The following PGAP4 variants were observed in gnomAD, a reference collection of about 807,000 sequenced individuals.
PGAP4 encodes the protein post-GPI attachment to proteins GalNAc transferase 4, also known as GPI-N-acetylgalactosamine transferase PGAP4.
In PGAP4, 12 loss-of-function variants were observed where a neutral mutation model predicts 28.2. That is an observed-to-expected ratio of 0.42 (90% confidence interval 0.27 to 0.69). PGAP4 has a LOEUF of 0.69. PGAP4 is among the 30% of genes least tolerant of loss of function. The pLI is 0.22. For missense variants in PGAP4, 425 were observed against 513.5 expected (o/e 0.83, Z 1.67); for synonymous variants, 205 against 211.8 (o/e 0.97, Z 0.28).
chr9:101,479,526 T>C (rs1350607820), intron 1 of PGAP4, among the ~76,000 whole-genome samples: 1 of 152,212 alleles, frequency 6.6e-6, no homozygotes, highest in African/African-American at 2.4e-5. Flanking sequence ...GGAGAACCTT[T>C]GGTCCCAGGG....
At chr9:101,477,583 AG>A (rs1413162505) in intron 1 of PGAP4, among the ~76,000 whole-genome samples, 1 of 152,202 alleles carries the variant, frequency 6.6e-6, no homozygotes, top group Non-Finnish European at 1.5e-5. Context: ...ATTTAGAGCA[AG>A]TTCCAGAATA....
At chr9:101,526,081 AG>A (rs1482129205) in intron 2 of PGAP4, among the ~76,000 whole-genome samples, 1 of 152,226 alleles carries the variant, frequency 6.6e-6, no homozygotes, top group Non-Finnish European at 1.5e-5. Flanking sequence ...TTTCATAAGA[AG>A]AAAAAAATAC....
At position 101,487,099 on chromosome 9, in the gene PGAP4, C is replaced by G. The variant is rs975055705; in HGVS notation, c.-228G>C. The G allele has an allele frequency of 2.0e-5, 3 of 152,254 alleles. No homozygotes were observed. The highest frequency in any genetic ancestry group is 4.4e-5 in the Non-Finnish European group (3 of 68,070). 9.4% of individuals were successfully genotyped at this position (152,254 alleles called of 1,614,324 possible). The stretch of plus-strand genomic sequence containing the variant: ...GTTTGGGTGTGCGCCGGAGCCTCAC[C>G]TCCTCCCGCCTCGCAGCTCAGGCGC... On this transcript the variant is annotated 5_prime_UTR_variant, in exon 1 of 2. Transcript: ENST00000374848.
chr9:101,499,449 G>GA (rs1394096312), intron 2 of PGAP4, among the ~76,000 whole-genome samples: 1 of 151,978 alleles, frequency 6.6e-6, no homozygotes, highest in Non-Finnish European at 1.5e-5. Context: ...ATTGCAGTGG[G>GA]AATATGCATG....
At chr9:101,504,453 C>G (rs1250589764) in intron 2 of PGAP4, among the ~76,000 whole-genome samples, 1 of 151,736 alleles carries the variant, frequency 6.6e-6, no homozygotes, top group East Asian at 1.9e-4. Flanking sequence ...CAAAGGGACC[C>G]AAAGGAAAGA....
intron 2 of PGAP4, among the ~76,000 whole-genome samples, chr9:101,504,350 G>C (rs1225204399): frequency 6.6e-6 from 1 of 151,036 alleles, no homozygotes; most frequent in Non-Finnish European, 1.5e-5. Context: ...TTTGTAGGTG[G>C]GATGCTGCCT....
intron 2 of PGAP4, among the ~76,000 whole-genome samples, chr9:101,499,823 C>T (rs180986152): frequency 6.6e-6 from 1 of 152,132 alleles, no homozygotes; most frequent in East Asian, 1.9e-4. Context: ...TTTGTGTGTG[C>T]ATGAGGGGGT....
intron 2 of PGAP4, among the ~76,000 whole-genome samples, chr9:101,512,220 C>T (rs1405353139): frequency 2.0e-5 from 3 of 152,200 alleles, no homozygotes; most frequent in African/African-American, 7.2e-5. Flanking sequence ...CTGATTGCCA[C>T]ATAATCAAAC....
chr9:101,497,843 C>G (rs192374010), intron 2 of PGAP4, among the ~76,000 whole-genome samples: 1 of 151,568 alleles, frequency 6.6e-6, no homozygotes, highest in South Asian at 2.1e-4. Flanking sequence ...GCCATGTAGA[C>G]ACAACATACA....
At chr9:101,520,605 A>G (rs1826980806) in intron 2 of PGAP4, among the ~76,000 whole-genome samples, 3 of 152,200 alleles carry the variant, frequency 2.0e-5, no homozygotes, top group Non-Finnish European at 2.9e-5. Context: ...TATCAGTTCT[A>G]GGAGCTTTCT....
intron 2 of PGAP4, among the ~76,000 whole-genome samples, chr9:101,509,748 A>G (rs1826879189): frequency 6.6e-6 from 1 of 152,048 alleles, no homozygotes; most frequent in South Asian, 2.1e-4. Context: ...GCATTTCTCT[A>G]TGGATGACAC....
intron 2 of PGAP4, among the ~76,000 whole-genome samples, chr9:101,507,473 C>T (rs1326732511): frequency 1.3e-5 from 2 of 152,064 alleles, no homozygotes; most frequent in Non-Finnish European, 2.9e-5. Flanking sequence ...TTGGATATTG[C>T]TGTCTGTGAG....
upstream of PGAP4, among the ~76,000 whole-genome samples, chr9:101,491,201 G>A (rs1826685384): frequency 6.6e-6 from 1 of 152,148 alleles, no homozygotes; most frequent in African/African-American, 2.4e-5. Flanking sequence ...GTAAGTTCAT[G>A]AATAGTGGTA....
intron 1 of PGAP4, among the ~76,000 whole-genome samples, chr9:101,477,409 A>T (rs1341980234): frequency 6.6e-6 from 1 of 151,984 alleles, no homozygotes; most frequent in Non-Finnish European, 1.5e-5. Flanking sequence ...ATCTCGGTGC[A>T]TTCAACCAAA....
At chr9:101,490,310 C>T (rs566825150), upstream of PGAP4, among the ~76,000 whole-genome samples, 85 of 152,190 alleles carry the variant, frequency 5.6e-4, no homozygotes, top group Non-Finnish European at 9.0e-4. Context: ...ATGCCTCAGC[C>T]TCCCGAGTAG....
intron 2 of PGAP4, among the ~76,000 whole-genome samples, chr9:101,498,123 T>C (rs1826767978): frequency 6.6e-6 from 1 of 151,842 alleles, no homozygotes; most frequent in African/African-American, 2.4e-5. Flanking sequence ...CCTCTTTTAT[T>C]CCTTTTTGCC....
chr9:101,490,860 T>A (rs921324920), upstream of PGAP4, among the ~76,000 whole-genome samples: 3 of 152,196 alleles, frequency 2.0e-5, no homozygotes, highest in Non-Finnish European at 4.4e-5. Flanking sequence ...GCTGTAATAG[T>A]GAGAAGAATA....
At chr9:101,494,125 T>C (rs73501274) in intron 2 of PGAP4, among the ~76,000 whole-genome samples, 1 of 152,008 alleles carries the variant, frequency 6.6e-6, no homozygotes, top group South Asian at 2.1e-4. Flanking sequence ...TGACAGGAAG[T>C]GACAATTTTT....
At chr9:101,505,335 AG>A (rs1366382315) in intron 2 of PGAP4, among the ~76,000 whole-genome samples, 1 of 152,154 alleles carries the variant, frequency 6.6e-6, no homozygotes, top group Non-Finnish European at 1.5e-5. Context: ...TTAGGAAGAC[AG>A]AATTGGATGC....
Sources: gnomAD v4.1 joint callset for allele counts (sites outside exome capture counted in the v4.1 genomes callset) on GRCh38, gnomAD v4.1.1 for gene constraint, MANE v1.5 for transcripts, NCBI Gene and HGNC (gene_info 2026-07-23, HGNC 2026-07-21) for gene names.